LYPLAL1: variants seen among roughly 807,000 people sequenced by gnomAD.
LYPLAL1 encodes lysophospholipase like 1.
Under a neutral mutation model 19.7 loss-of-function variants are expected in LYPLAL1, and 23 were observed. That is an observed-to-expected ratio of 1.17 (90% CI 0.84 to 1.65). The LOEUF is 1.65. Ranked by LOEUF, LYPLAL1 falls within the 40% of genes most tolerant of loss-of-function variation. LYPLAL1 has a pLI of 0.00. For missense variants in LYPLAL1, 355 were observed against 279.4 expected (o/e 1.27, Z -1.93); for synonymous variants, 119 against 96.3 (o/e 1.24, Z -1.38).
the LYPLAL1 span, among the ~76,000 whole-genome samples, chr1:219,341,438 A>G: frequency 6.6e-6 from 1 of 152,112 alleles, no homozygotes; most frequent in Non-Finnish European, 1.5e-5. Context: ...TCCATAAGCA[A>G]CATGGCTCTC....
chr1:219,389,079 G>A, the LYPLAL1 span, among the ~76,000 whole-genome samples: 1 of 151,950 alleles, frequency 6.6e-6, no homozygotes, highest in Non-Finnish European at 1.5e-5. Flanking sequence ...AATGCATTTG[G>A]TATAAAATGT....
the LYPLAL1 span, among the ~76,000 whole-genome samples, chr1:219,307,488 G>A: frequency 1.3e-5 from 2 of 152,180 alleles, no homozygotes; most frequent in African/African-American, 4.8e-5. Flanking sequence ...GATATGGGTA[G>A]TGTGGCTATT....
chr1:219,330,321 T>G, the LYPLAL1 span, among the ~76,000 whole-genome samples: 6 of 152,196 alleles, frequency 3.9e-5, no homozygotes, highest in Non-Finnish European at 7.3e-5. Context: ...AGACAATATA[T>G]TTAATGCTGC....
At chr1:219,393,278 A>G in the LYPLAL1 span, among the ~76,000 whole-genome samples, 2 of 152,208 alleles carry the variant, frequency 1.3e-5, no homozygotes, top group African/African-American at 4.8e-5. Flanking sequence ...TTCAAGCCCA[A>G]AATGGCCTTG....
At chr1:219,185,464 A>C (rs1362924288) in intron 2 of LYPLAL1, among the ~76,000 whole-genome samples, 1 of 151,878 alleles carries the variant, frequency 6.6e-6, no homozygotes, top group Non-Finnish European at 1.5e-5. Context: ...ACTGTAGCTA[A>C]GTTCCACTAA....
the LYPLAL1 span, among the ~76,000 whole-genome samples, chr1:219,333,130 C>T: frequency 3.9e-5 from 6 of 152,032 alleles, no homozygotes; most frequent in African/African-American, 7.2e-5. Context: ...GCCAAGGGTA[C>T]GTGTGATTAG....
the LYPLAL1 span, among the ~76,000 whole-genome samples, chr1:219,252,937 A>G: frequency 6.6e-6 from 1 of 151,996 alleles, no homozygotes; most frequent in African/African-American, 2.4e-5. Flanking sequence ...TTGGTAGGCT[A>G]TTTATTACTG....
At chr1:219,268,287 C>CGGTGA in the LYPLAL1 span, among the ~76,000 whole-genome samples, 33 of 152,156 alleles carry the variant, frequency 2.2e-4, no homozygotes, top group African/African-American at 8.0e-4. Context: ...TTAAATAAGG[C>CGGTGA]GGTCAAGATT....
the LYPLAL1 span, among the ~76,000 whole-genome samples, chr1:219,259,395 CGTG>C: frequency 3.0e-5 from 3 of 100,596 alleles, no homozygotes; most frequent in Admixed American, 2.8e-4. Context: ...ATAAAGAAAA[CGTG>C]GTATATATAC....
chr1:219,333,638 T>C, the LYPLAL1 span, among the ~76,000 whole-genome samples: 1 of 152,184 alleles, frequency 6.6e-6, no homozygotes, highest in South Asian at 2.1e-4. Context: ...AAAGAAATGT[T>C]TATAAGAGAA....
chr1:219,242,719 A>G, the LYPLAL1 span, among the ~76,000 whole-genome samples: 1 of 150,456 alleles, frequency 6.6e-6, no homozygotes, highest in East Asian at 1.9e-4. Flanking sequence ...TATATATATA[A>G]TTAATATATA....
chr1:219,213,031 C>T (rs1227105175), downstream of LYPLAL1, among the ~76,000 whole-genome samples: 1 of 152,010 alleles, frequency 6.6e-6, no homozygotes, highest in African/African-American at 2.4e-5. Flanking sequence ...TAGTATTGCT[C>T]CAGATCCTTG....
chr1:219,376,986 A>G, the LYPLAL1 span, among the ~76,000 whole-genome samples: 4 of 152,174 alleles, frequency 2.6e-5, no homozygotes, highest in African/African-American at 9.7e-5. Flanking sequence ...CTGGGTATAT[A>G]CCCCAAAGAA....
chr1:219,295,136 C>T, the LYPLAL1 span, among the ~76,000 whole-genome samples: 1 of 152,188 alleles, frequency 6.6e-6, no homozygotes, highest in Admixed American at 6.5e-5. Flanking sequence ...CTGGCTCTCC[C>T]ACTTACAGAT....
the LYPLAL1 span, among the ~76,000 whole-genome samples, chr1:219,436,240 T>C: frequency 6.6e-6 from 1 of 152,178 alleles, no homozygotes; most frequent in Non-Finnish European, 1.5e-5. Flanking sequence ...AAGTCTGGGG[T>C]TCTAGCCTCC....
chr1:219,394,885 C>A, the LYPLAL1 span, among the ~76,000 whole-genome samples: 1 of 152,074 alleles, frequency 6.6e-6, no homozygotes, highest in South Asian at 2.1e-4. Flanking sequence ...ATGTGGTATT[C>A]GACTTTCTGT....
the LYPLAL1 span, among the ~76,000 whole-genome samples, chr1:219,290,995 G>C: frequency 2.6e-5 from 4 of 152,122 alleles, no homozygotes; most frequent in Admixed American, 1.3e-4. Context: ...TCTCAATCAA[G>C]TTACTTAGTA....
chr1:219,238,156 C>G, the LYPLAL1 span, among the ~76,000 whole-genome samples: 1 of 141,374 alleles, frequency 7.1e-6, no homozygotes, highest in African/African-American at 2.6e-5. Context: ...CAGAGTCTCG[C>G]TCTGTCGCCT....
At chr1:219,195,376 TGTG>T (rs1385534815) in intron 3 of LYPLAL1, among the ~76,000 whole-genome samples, 1 of 151,926 alleles carries the variant, frequency 6.6e-6, no homozygotes, top group Non-Finnish European at 1.5e-5. Context: ...TCTGAAGTGG[TGTG>T]GTGGCAATAG....
Sources: gnomAD v4.1 joint callset for allele counts (sites outside exome capture counted in the v4.1 genomes callset) on GRCh38, gnomAD v4.1.1 for gene constraint, MANE v1.5 for transcripts, NCBI Gene and HGNC (gene_info 2026-07-23, HGNC 2026-07-21) for gene names.